DSG1: variants seen among roughly 807,000 people sequenced by gnomAD.
DSG1 encodes the protein desmoglein-1.
In DSG1, 39 loss-of-function variants were observed where a neutral mutation model predicts 97.5. The observed-to-expected ratio is 0.40, with a 90% CI of 0.31 to 0.52. The LOEUF (loss-of-function observed/expected upper bound fraction) is 0.52. Ranked by LOEUF, DSG1 falls within the 20% of genes least tolerant of loss-of-function variation. The pLI is 0.53. For missense variants in DSG1, 1,311 were observed against 1,295.4 expected (o/e 1.01, Z -0.18); for synonymous variants, 475 against 443.4 (o/e 1.07, Z -0.90).
At chr18:31,336,755 T>G (rs2071757041) in intron 9 of DSG1, 142 bp downstream of exon 9, 2 of 904,644 alleles carry the variant, frequency 2.2e-6, no homozygotes, top group Admixed American at 5.5e-5. Context: ...TACTATAAAC[T>G]GTGCATTTAA....
chr18:31,345,248 T>C (rs2071822194), intron 13 of DSG1: 1 of 152,122 alleles, frequency 6.6e-6, no homozygotes, highest in African/African-American at 2.4e-5. Context: ...CTTCACATAC[T>C]AAAGCCAGTG....
intron 10 of DSG1, among the ~76,000 whole-genome samples, chr18:31,339,106 A>G (rs1301764879): frequency 6.6e-6 from 1 of 152,178 alleles, no homozygotes; most frequent in Non-Finnish European, 1.5e-5. Context: ...AAGTTTAAAT[A>G]TAACAAGATG....
intron 8 of DSG1, among the ~76,000 whole-genome samples, chr18:31,335,832 A>G (rs1318469832): frequency 1.3e-5 from 2 of 150,422 alleles, no homozygotes; most frequent in African/African-American, 2.4e-5. Context: ...TGAAGAAAAT[A>G]GATTTATTTA....
chr18:31,355,016 C>T lies in DSG1; in HGVS notation c.2820C>T (p.His940=), dbSNP rs2071942351. 5 of 1,614,194 alleles carry T rather than the reference C, an allele frequency of 3.1e-6. No individual in the cohort carries two copies. The highest frequency in any genetic ancestry group is 1.7e-5 in the Admixed American group (1 of 60,032). ...GCATGATAGGTAGTCTGAGTATGCA[C>T]CCCGAGTTAGCCAATGCCCACAATG... ...TSGMIGSLSM[H]PELANAHNVI... Residue 940 remains histidine (H), a synonymous_variant, in exon 15 of 15, where the codon CAC becomes CAT. Coordinates refer to ENST00000257192, the MANE Select transcript of DSG1 (RefSeq NM_001942.4).
At chr18:31,341,524 T>C (rs965597822) in intron 11 of DSG1, among the ~76,000 whole-genome samples, 1 of 152,220 alleles carries the variant, frequency 6.6e-6, no homozygotes, top group Non-Finnish European at 1.5e-5. Flanking sequence ...GAGCTGGAGT[T>C]CTTTTTCCAA....
intron 11 of DSG1, among the ~76,000 whole-genome samples, chr18:31,340,329 G>A (rs1464386155): frequency 6.6e-6 from 1 of 151,542 alleles, no homozygotes; most frequent in Non-Finnish European, 1.5e-5. Flanking sequence ...ACAGAGGGCG[G>A]GGTGTGGTGG....
chr18:31,346,504 A>C (rs547140605), intron 14 of DSG1, among the ~76,000 whole-genome samples: 2 of 152,090 alleles, frequency 1.3e-5, no homozygotes, highest in African/African-American at 4.8e-5. Context: ...CTTATCTCCA[A>C]TTACTCCTTG....
rs762689151 is a variant in DSG1 at position 31,328,364 on chromosome 18, A to G, written c.372+20A>G. ...TTCATTGTAAGTGGACTTCATGTCA[A>G]TATATATGTTCATGCTTAAATTCTT... On this transcript the variant is annotated intron_variant, in intron 4 of 14. Transcript: ENST00000257192. The G allele has an allele frequency of 4.4e-6, 7 of 1,605,456 alleles. No homozygotes were observed. In the South Asian group the frequency reaches 7.7e-5, roughly 18 times the overall value.
chr18:31,324,233 C>CGGCCGA (rs1362939304), intron 1 of DSG1, among the ~76,000 whole-genome samples: 2 of 151,600 alleles, frequency 1.3e-5, no homozygotes, highest in African/African-American at 2.4e-5. Flanking sequence ...CCACCCGCCT[C>CGGCCGA]GGCCTCCCAA....
At position 31,359,052 on chromosome 18, in the gene DSG1, C is replaced by T. The variant is rs920052576; in HGVS notation, c.*3706C>T. On this transcript the variant is annotated 3_prime_UTR_variant, in exon 15 of 15. Coordinates refer to ENST00000257192, the MANE Select transcript of DSG1 (RefSeq NM_001942.4). ...GTCTAACTTATTTTTCTTTTGCTGTCGTTTTACAAGCATTTTAAAATTCTA... is the reference window on the plus strand; with the variant it reads ...GTCTAACTTATTTTTCTTTTGCTGTTGTTTTACAAGCATTTTAAAATTCTA... 6.6e-6 allele frequency among the ~76,000 whole-genome samples: 1 copy of T among 152,120 alleles called. No homozygotes were observed. The highest frequency in any genetic ancestry group is 1.5e-5 in the Non-Finnish European group (1 of 67,986).
intron 8 of DSG1, among the ~76,000 whole-genome samples, chr18:31,334,544 A>G (rs181066273): frequency 3.0e-3 from 456 of 152,296 alleles, no homozygotes; most frequent in Non-Finnish European, 5.2e-3. Flanking sequence ...AAGCATATTT[A>G]ATAGAGGCTT....
Position 31,336,504 on chromosome 18 carries a change from C to T in DSG1, c.1156C>T (p.Arg386Cys), listed in dbSNP as rs200495041. ...AAATGTAATTGAAGGCCCAGTGTTT[C>T]GTCCAGGTTCAAAGACATATGTTGT... ...VLNVIEGPVF[R>C]PGSKTYVVTG... Residue 386 changes from arginine (R) to cysteine (C), a missense_variant, in exon 9 of 15, where the codon CGT (arginine) becomes TGT (cysteine). By Grantham distance (180) the Arg-to-Cys change is radical (BLOSUM62 -3). Coordinates refer to ENST00000257192, the MANE Select transcript of DSG1 (RefSeq NM_001942.4). 8.1e-6 allele frequency: 13 copies of T among 1,613,882 alleles called. No homozygotes were observed. The highest frequency in any genetic ancestry group is 2.7e-5 in the African/African-American group (2 of 74,922).
intron 14 of DSG1, among the ~76,000 whole-genome samples, chr18:31,352,247 A>G (rs1489572138): frequency 0.013 from 1,878 of 146,812 alleles, 20 homozygotes; most frequent in African/African-American, 0.049. Context: ...TTGGCTGGAT[A>G]TGAAATTCTG....
intron 9 of DSG1, among the ~76,000 whole-genome samples, 179 bp from the exon 10 acceptor site, chr18:31,338,136 A>G (rs902217620): frequency 1.3e-5 from 2 of 152,168 alleles, no homozygotes; most frequent in African/African-American, 4.8e-5. Flanking sequence ...GTAAATCTTG[A>G]TATATCCCTG....
At chr18:31,328,643 T>C (rs533588296) in intron 4 of DSG1, among the ~76,000 whole-genome samples, 1 of 152,280 alleles carries the variant, frequency 6.6e-6, no homozygotes, top group South Asian at 2.1e-4. Flanking sequence ...AAAAATTCAG[T>C]AAAGAATGTT....
chr18:31,342,266 G>C (rs1262445376), intron 11 of DSG1, among the ~76,000 whole-genome samples: 1 of 152,008 alleles, frequency 6.6e-6, no homozygotes, highest in Non-Finnish European at 1.5e-5. Context: ...CTACCTCTGG[G>C]TACTGTAGTA....
chr18:31,322,957 C>T (rs566739133), intron 1 of DSG1, among the ~76,000 whole-genome samples: 3 of 152,178 alleles, frequency 2.0e-5, no homozygotes, highest in Admixed American at 2.0e-4. Flanking sequence ...TCTCCTGTAG[C>T]TTTTAAAAAG....
chr18:31,351,516 G>T (rs1303110995), intron 14 of DSG1, among the ~76,000 whole-genome samples: 4 of 151,160 alleles, frequency 2.6e-5, no homozygotes, highest in Non-Finnish European at 4.4e-5. Context: ...TCAATTCCTG[G>T]GTATCCTTGT....
chr18:31,338,723 T>C (rs1010147219), intron 10 of DSG1, among the ~76,000 whole-genome samples: 5 of 152,194 alleles, frequency 3.3e-5, no homozygotes, highest in African/African-American at 1.2e-4. Context: ...CTATAGCTGT[T>C]GTCTCTTTTT....
Sources: gnomAD v4.1 joint callset for allele counts (sites outside exome capture counted in the v4.1 genomes callset) on GRCh38, gnomAD v4.1.1 for gene constraint, MANE v1.5 for transcripts, NCBI Gene and HGNC (gene_info 2026-07-23, HGNC 2026-07-21) for gene names.